Variants in PKNOX2 observed in about 807,000 individuals in gnomAD.
The protein encoded by PKNOX2 is PBX/knotted 1 homeobox 2, also known as homeobox protein PKNOX2.
Under a neutral mutation model 53.1 loss-of-function variants are expected in PKNOX2, and 14 were observed. That is an observed-to-expected ratio of 0.26 (90% CI 0.17 to 0.41). The LOEUF (loss-of-function observed/expected upper bound fraction) is 0.41, where lower values mean the gene tolerates loss of function less well. PKNOX2 is among the 10% of genes least tolerant of loss of function. PKNOX2 has a pLI of 1.00. For missense variants in PKNOX2, 496 were observed against 602.8 expected (o/e 0.82, Z 1.85); for synonymous variants, 257 against 242.8 (o/e 1.06, Z -0.54).
chr11:125,165,017 C>A lies in PKNOX2; in HGVS notation c.-201+241C>A, dbSNP rs1954746615. ...AGGGAGCAGCGAGGGACGGCGGGAG[C>A]GTGCAGAGAGAAGCTGGGGAAGCGC... is the stretch of plus-strand genomic sequence containing the variant. On this transcript the variant is annotated intron_variant, in intron 1 of 12. Coordinates refer to ENST00000298282, the MANE Select transcript of PKNOX2 (RefSeq NM_001382323.2). The surrounding 1 kb of genome is among the most constrained non-coding windows in gnomAD (Gnocchi z 4.5). Among the ~76,000 whole-genome samples the A allele has an allele frequency of 6.6e-6, 1 of 151,496 alleles. No individual in the cohort carries two copies. The highest frequency in any genetic ancestry group is 1.5e-5 in the Non-Finnish European group (1 of 67,770).
At chr11:125,204,216 G>A (rs1173851297) in intron 1 of PKNOX2, among the ~76,000 whole-genome samples, 3 of 152,182 alleles carry the variant, frequency 2.0e-5, no homozygotes, top group Non-Finnish European at 2.9e-5. Flanking sequence ...TGGCTTGGTG[G>A]CAAGTTGGGT....
At chr11:125,311,614 T>C (rs894662476) in intron 2 of PKNOX2, among the ~76,000 whole-genome samples, 5 of 152,286 alleles carry the variant, frequency 3.3e-5, no homozygotes, top group East Asian at 3.9e-4. Flanking sequence ...GGCTATAAAT[T>C]CCTTATGAAG....
At chr11:125,389,531 C>G (rs1565513798) in intron 6 of PKNOX2, among the ~76,000 whole-genome samples, 1 of 152,200 alleles carries the variant, frequency 6.6e-6, no homozygotes, top group African/African-American at 2.4e-5. Context: ...TCCCTCCACT[C>G]CAATTCCCAT....
chr11:125,423,352 T>G (rs138196818), intron 10 of PKNOX2, among the ~76,000 whole-genome samples: 2,208 of 152,224 alleles, frequency 0.015, 24 homozygotes, highest in South Asian at 0.041. Context: ...ACCCCCTTTT[T>G]CTCTTCCACA....
intron 1 of PKNOX2, among the ~76,000 whole-genome samples, chr11:125,205,083 C>T (rs531373793): frequency 6.6e-6 from 1 of 152,200 alleles, no homozygotes; most frequent in African/African-American, 2.4e-5. Flanking sequence ...GGCTTGTGTC[C>T]ATTACGTGTT....
chr11:125,321,114 C>T (rs148282146), intron 2 of PKNOX2, among the ~76,000 whole-genome samples: 71 of 152,174 alleles, frequency 4.7e-4, no homozygotes, highest in African/African-American at 1.6e-3. Flanking sequence ...TATTAGAGTA[C>T]GGAAAGAGGG....
At chr11:125,396,305 C>T (rs1459110518) in intron 6 of PKNOX2, among the ~76,000 whole-genome samples, 1 of 151,468 alleles carries the variant, frequency 6.6e-6, no homozygotes, top group Non-Finnish European at 1.5e-5. Context: ...CACCCTAGAT[C>T]CTGAAGATTT....
intron 8 of PKNOX2, 109 bp from the exon 9 acceptor site, chr11:125,410,670 C>A: frequency 1.2e-6 from 1 of 828,418 alleles, no homozygotes; most frequent in Non-Finnish European, 2.0e-6. Context: ...CCCAAGGGCT[C>A]CAAGTAGAGG....
chr11:125,279,899 G>A (rs1946433582), intron 2 of PKNOX2, among the ~76,000 whole-genome samples: 2 of 152,194 alleles, frequency 1.3e-5, no homozygotes, highest in South Asian at 4.1e-4. Context: ...CATAGCAACA[G>A]CCTCTTCTGA....
chr11:125,222,791 G>GTGTGTGTGTGTGCGTGTGTA (rs1565473013), intron 1 of PKNOX2, among the ~76,000 whole-genome samples: 1 of 151,644 alleles, frequency 6.6e-6, no homozygotes, highest in East Asian at 1.9e-4. Flanking sequence ...GTGTGTATGT[G>GTGTGTGTGTGTGCGTGTGTA]TGTGTGTGTG....
Position 125,410,328 on chromosome 11 carries a change from C to G in PKNOX2, c.718+3C>G, listed in dbSNP as rs200689427. 1.2e-6 allele frequency: 2 copies of G among 1,613,838 alleles called. No individual in the cohort carries two copies. Among genetic ancestry groups the G allele is most frequent in the East Asian group, 2.2e-5 (1 of 44,850 alleles). Reference sequence around the variant, plus strand: ...CGTCAACTCACAAGTTGTGTCAGGTCGGTGCAAAGACTGGGAAGGGTGATT... The same window carrying G: ...CGTCAACTCACAAGTTGTGTCAGGTGGGTGCAAAGACTGGGAAGGGTGATT... On this transcript the variant is annotated splice_donor_region_variant and intron_variant, in intron 8 of 12. Transcript: ENST00000298282.
chr11:125,386,713 AACACACACACACACAC>A (rs3138544), intron 6 of PKNOX2, among the ~76,000 whole-genome samples: 20 of 141,134 alleles, frequency 1.4e-4, no homozygotes, highest in Middle Eastern at 7.2e-3. Context: ...GAAGAAAAAG[AACACACACACACACAC>A]ACACACACAC....
intron 10 of PKNOX2, among the ~76,000 whole-genome samples, chr11:125,416,786 T>C (rs1246776649): frequency 6.6e-6 from 1 of 152,042 alleles, no homozygotes; most frequent in African/African-American, 2.4e-5. Flanking sequence ...GTTGTGAGAA[T>C]GTCTGTAGTA....
intron 1 of PKNOX2, among the ~76,000 whole-genome samples, chr11:125,192,483 G>C (rs1449440158): frequency 6.6e-6 from 1 of 152,204 alleles, no homozygotes; most frequent in Non-Finnish European, 1.5e-5. Flanking sequence ...CCTTTAACCT[G>C]ACGCTGGGGG....
chr11:125,355,578 C>T, intron 4 of PKNOX2, among the ~76,000 whole-genome samples: 1 of 152,150 alleles, frequency 6.6e-6, no homozygotes, highest in East Asian at 1.9e-4. Context: ...GGTGTGTGAG[C>T]CTCAGTTCAG....
Position 125,389,219 on chromosome 11 carries a change from A to G in PKNOX2, c.399+3497A>G, listed in dbSNP as rs529490498. Among the ~76,000 whole-genome samples the G allele has an allele frequency of 2.0e-5, 3 of 151,058 alleles. No individual in the cohort carries two copies. In the East Asian group the frequency reaches 5.8e-4, roughly 29 times the overall value. On this transcript the variant is annotated intron_variant, in intron 6 of 12. Coordinates refer to ENST00000298282, the MANE Select transcript of PKNOX2 (RefSeq NM_001382323.2). Reference sequence around the variant, plus strand: ...CAAAAACAAACAAACAAACAAACAAAAAACCCTAGGGAGAAGCACGCCCTA... The same window carrying G: ...CAAAAACAAACAAACAAACAAACAAGAAACCCTAGGGAGAAGCACGCCCTA...
rs77324017 is a variant in PKNOX2, at chr11:125,378,599, C to T, written c.228-6952C>T. Among the ~76,000 whole-genome samples the T allele has an allele frequency of 1.5e-3, 234 of 152,296 alleles. 3 individuals carry two copies. The East Asian group carries it at 0.038, about 25-fold the overall frequency. On this transcript the variant is annotated intron_variant, in intron 5 of 12. Transcript: ENST00000298282. ...GGAAGGAGCCGGGGGGCTCCAAGGT[C>T]AGTCACAGGAAAGGAGGTGGATGGC...
intron 1 of PKNOX2, among the ~76,000 whole-genome samples, chr11:125,180,735 G>A (rs936730274): frequency 7.2e-5 from 11 of 152,210 alleles, no homozygotes; most frequent in African/African-American, 2.7e-4. Context: ...CTGCTCCTGG[G>A]GCCACATGGC....
At chr11:125,293,112 C>A (rs1947412789) in intron 2 of PKNOX2, among the ~76,000 whole-genome samples, 1 of 152,086 alleles carries the variant, frequency 6.6e-6, no homozygotes, top group Non-Finnish European at 1.5e-5. Flanking sequence ...GGCAGACATA[C>A]AAATTATAAC....
Sources: gnomAD v4.1 joint callset for allele counts (sites outside exome capture counted in the v4.1 genomes callset) on GRCh38, gnomAD v4.1.1 for gene constraint, Gnocchi (gnomAD v3.1) non-coding constraint, MANE v1.5 for transcripts, NCBI Gene and HGNC (gene_info 2026-07-23, HGNC 2026-07-21) for gene names.